The following ZNF334 variants were observed in gnomAD, a reference collection of about 807,000 sequenced individuals.
The protein encoded by ZNF334 is zinc finger protein 334.
ZNF334 carries 14 observed loss-of-function variants against 12.4 expected under a neutral mutation model. The ratio of observed to expected loss-of-function variants is 1.13; its 90% CI spans 0.74 to 1.76. The LOEUF is 1.76. Ranked by LOEUF, ZNF334 falls within the 40% of genes most tolerant of loss-of-function variation. The probability of loss-of-function intolerance (pLI) is 0.00; values close to 1 mark genes in which losing one functional copy is unlikely to be tolerated. For synonymous variants in ZNF334, 273 were observed against 269.6 expected, an observed-to-expected ratio of 1.01 and a Z score of -0.12; for missense variants, 797 against 804.5, an observed-to-expected ratio of 0.99 and a Z score of 0.11.
In ZNF334 at chr20:46,503,071, T is replaced by C; in HGVS notation, c.268A>G (p.Lys90Glu). 1.2e-6 allele frequency: 2 copies of C among 1,607,858 alleles called. No individual in the cohort carries two copies. The highest frequency in any genetic ancestry group is 2.2e-5 in the South Asian group (2 of 90,134). Residue 90 changes from lysine to glutamate, a missense_variant, in exon 5 of 5, where the codon AAG becomes GAG. By Grantham distance (56) the Lys-to-Glu change is moderately conservative. Transcript: ENST00000692313. ...PDIDDALEKN[K>E]EIQDKHLTQT... ...GTCAAATGTTTATCTTGGATTTCCTTGTTCTTCTCTAAGGCATCATCAATG... is the reference window on the plus strand; with the variant it reads ...GTCAAATGTTTATCTTGGATTTCCTCGTTCTTCTCTAAGGCATCATCAATG...
intron 2 of ZNF334, among the ~76,000 whole-genome samples, chr20:46,507,393 C>T (rs113379598): frequency 0.02 from 2,987 of 152,240 alleles, 96 homozygotes; most frequent in African/African-American, 0.069. Flanking sequence ...TTAACACAAC[C>T]TGGGTTCCTA....
At chr20:46,497,214 A>C (rs939933190), downstream of ZNF334, among the ~76,000 whole-genome samples, 1 of 152,318 alleles carries the variant, frequency 6.6e-6, no homozygotes, top group Admixed American at 6.5e-5. Context: ...CAGTTCATAG[A>C]GGTCTGCCCC....
chr20:46,504,298 C>T lies in ZNF334; in HGVS notation c.157G>A (p.Val53Ile). ...YSNLVSVGYH[V>I]SKPDVIFKLE... ...TTGAAAATCACATCTGGTTTGCTAA[C>T]ATGATACCCTGTTAATGGGAAATTA... is the stretch of plus-strand genomic sequence containing the variant. The change falls in exon 4 of 5, where the codon GTT (valine) becomes ATT (isoleucine). Residue 53 changes from valine to isoleucine, a missense_variant. Physicochemically the swap from Val to Ile is conservative, Grantham distance 29. Transcript: ENST00000692313. 2 of 1,613,656 alleles carry T rather than the reference C, an allele frequency of 1.2e-6. No homozygotes were observed. The highest frequency in any genetic ancestry group is 1.7e-6 in the Non-Finnish European group (2 of 1,179,708).
the ZNF334 span, among the ~76,000 whole-genome samples, chr20:46,476,643 AG>A: frequency 6.6e-6 from 1 of 152,234 alleles, no homozygotes; most frequent in African/African-American, 2.4e-5. Context: ...GTGCAGTCTC[AG>A]GTTATACCTG....
rs529949084 is a variant in ZNF334 at position 46,511,218 on chromosome 20, C to T, written c.21+864G>A. ...ACCAGCCTGGGCAACATAGTGAGAC[C>T]TCATCTCAATTAAAAAAAAAAAAAA... On this transcript the variant is annotated intron_variant, in intron 2 of 4. Coordinates refer to ENST00000692313, the MANE Select transcript of ZNF334 (RefSeq NM_001353824.2). 2.7e-5 allele frequency among the ~76,000 whole-genome samples: 4 copies of T among 145,638 alleles called. No individual in the cohort carries two copies. In the East Asian group the frequency reaches 7.9e-4, roughly 29 times the overall value.
the ZNF334 span, among the ~76,000 whole-genome samples, chr20:46,467,340 T>C: frequency 6.2e-4 from 95 of 152,206 alleles, no homozygotes; most frequent in Middle Eastern, 0.017. Flanking sequence ...TATATGTAAA[T>C]ACCAAATACA....
chr20:46,508,603 G>A (rs1183197194), intron 2 of ZNF334, among the ~76,000 whole-genome samples: 1 of 152,234 alleles, frequency 6.6e-6, no homozygotes, highest in African/African-American at 2.4e-5. Context: ...GGGGCTCAAT[G>A]TGGGTGGTCC....
the ZNF334 span, among the ~76,000 whole-genome samples, chr20:46,493,133 A>T: frequency 6.6e-6 from 1 of 152,172 alleles, no homozygotes; most frequent in East Asian, 1.9e-4. Context: ...CTAAATTTGA[A>T]ATTGGATAAG....
At chr20:46,508,919 G>C (rs1403409615) in intron 2 of ZNF334, among the ~76,000 whole-genome samples, 1 of 152,054 alleles carries the variant, frequency 6.6e-6, no homozygotes, top group Non-Finnish European at 1.5e-5. Context: ...CAATGTAATA[G>C]TGGATACATC....
At chr20:46,467,637 C>G in the ZNF334 span, among the ~76,000 whole-genome samples, 1 of 152,236 alleles carries the variant, frequency 6.6e-6, no homozygotes, top group South Asian at 2.1e-4. Context: ...AAATTAACTG[C>G]ACAGTGCATT....
the ZNF334 span, among the ~76,000 whole-genome samples, chr20:46,473,220 AC>A: frequency 6.6e-6 from 1 of 152,078 alleles, no homozygotes; most frequent in Non-Finnish European, 1.5e-5. Context: ...TTATCAGGCT[AC>A]CCTCGTATTC....
chr20:46,507,425 A>G (rs903064528), intron 2 of ZNF334, among the ~76,000 whole-genome samples: 1 of 152,180 alleles, frequency 6.6e-6, no homozygotes, highest in African/African-American at 2.4e-5. Context: ...TGAACTGAAA[A>G]AGGATATTAT....
the ZNF334 span, chr20:46,464,764 G>C: frequency 1.9e-6 from 1 of 514,830 alleles, no homozygotes; most frequent in Non-Finnish European, 4.0e-6. Context: ...GTACGCTGCA[G>C]TAGAGTTGCC....
At position 46,502,327 on chromosome 20, in the gene ZNF334, C is replaced by T. The variant is rs1456700955; in HGVS notation, c.1012G>A (p.Glu338Lys). ...TCCCCTGTGTGTGACCTGAAATGTT[C>T]AGCCAGGGCTGACTTCCGAAAAAAG... The part of the protein sequence containing the change: ...KTFFRKSALA[E>K]HFRSHTGEKP... Residue 338 changes from glutamate (E) to lysine (K), a missense_variant, in exon 5 of 5, where the codon GAA becomes AAA. Physicochemically the swap from Glu to Lys is moderately conservative, Grantham distance 56 (BLOSUM62 1). Transcript: ENST00000692313. The T allele has an allele frequency of 1.2e-6, 2 of 1,613,956 alleles. No individual in the cohort carries two copies. Among genetic ancestry groups the T allele is most frequent in the Non-Finnish European group, 1.7e-6 (2 of 1,180,018 alleles).
the ZNF334 span, among the ~76,000 whole-genome samples, chr20:46,488,948 TTTCTC>T: frequency 1.3e-5 from 2 of 152,098 alleles, no homozygotes; most frequent in African/African-American, 4.8e-5. Context: ...CTTTTACAGT[TTTCTC>T]TTTATCACTG....
In ZNF334 at chr20:46,504,660, C is replaced by T. The variant is rs2061368348; in HGVS notation, c.102G>A (p.Leu34=). ...WQQLDPAQRL[L]YRDVMLENYS... is the part of the protein sequence containing the mutation. ...AGTTCTCCAGCATCACATCCCTGTA[C>T]AGGAGCCTCTGAGCAGGGTCCAGTT... is the stretch of plus-strand genomic sequence containing the variant. The change falls in exon 3 of 5, where the codon CTG becomes CTA. Residue 34 remains leucine (L), a synonymous_variant. Transcript: ENST00000692313. The T allele has an allele frequency of 6.2e-7, 1 of 1,612,578 alleles. No homozygotes were observed. Among genetic ancestry groups the T allele is most frequent in the Non-Finnish European group, 8.5e-7 (1 of 1,179,444 alleles).
rs772582368 is a variant in ZNF334, at chr20:46,512,089, T to G, written c.14A>C (p.Lys5Thr). The G allele has an allele frequency of 9.3e-6, 15 of 1,613,890 alleles. No homozygotes were observed. In the African/African-American group the frequency reaches 1.6e-4, roughly 17 times the overall value. MKMK[K>T]FQIPVSFQDL... is the part of the protein sequence containing the mutation. Reference sequence around the variant, plus strand: ...AATCCCTGAGCAACTTACCTGAAATTTTTTCATTTTCATGTTCTCTTGAGA... The same window carrying G: ...AATCCCTGAGCAACTTACCTGAAATGTTTTCATTTTCATGTTCTCTTGAGA... The change falls in exon 2 of 5, where the codon AAA becomes ACA. Residue 5 changes from lysine to threonine, a missense_variant. Physicochemically the swap from Lys to Thr is moderately conservative, Grantham distance 78. Coordinates refer to ENST00000692313, the MANE Select transcript of ZNF334 (RefSeq NM_001353824.2).
chr20:46,506,727 G>C (rs2061444717), intron 2 of ZNF334: 1 of 173,442 alleles, frequency 5.8e-6, no homozygotes, highest in South Asian at 2.0e-4. Context: ...GGTGGAGACA[G>C]ACGGAAAGAA....
At chr20:46,464,451 C>G in the ZNF334 span, 1 of 518,884 alleles carries the variant, frequency 1.9e-6, no homozygotes, top group South Asian at 1.5e-5. Context: ...CTGGGGCTGG[C>G]TTTCTCACAG....
Sources: gnomAD v4.1 joint callset for allele counts (sites outside exome capture counted in the v4.1 genomes callset) on GRCh38, gnomAD v4.1.1 for gene constraint, MANE v1.5 for transcripts, NCBI Gene and HGNC (gene_info 2026-07-23, HGNC 2026-07-21) for gene names.